RBMS3: variants seen among roughly 807,000 people sequenced by gnomAD.
RBMS3 encodes RNA binding motif single stranded interacting protein 3.
In RBMS3, 27 loss-of-function variants were observed where a neutral mutation model predicts 66.8. That is an observed-to-expected ratio of 0.40 (90% confidence interval 0.30 to 0.56). RBMS3 has a LOEUF of 0.56. Among genes scored for constraint, RBMS3 ranks in the 20% least tolerant of loss-of-function variants. RBMS3 has a pLI of 0.40. For missense variants in RBMS3, 513 were observed against 549.5 expected, an observed-to-expected ratio of 0.93 and a Z score of 0.66; for synonymous variants, 188 against 183.0, an observed-to-expected ratio of 1.03 and a Z score of -0.22.
chr3:29,282,724 C>T (rs985971107), intron 1 of RBMS3, among the ~76,000 whole-genome samples: 7 of 152,024 alleles, frequency 4.6e-5, no homozygotes, highest in South Asian at 2.1e-4. Context: ...CAGACTCCAC[C>T]GTCTCCTTAA....
At chr3:29,374,431 G>A (rs1180740103) in intron 1 of RBMS3, among the ~76,000 whole-genome samples, 1 of 152,182 alleles carries the variant, frequency 6.6e-6, no homozygotes, top group African/African-American at 2.4e-5. Context: ...CAGATAGTAT[G>A]TAACTTAGTG....
intron 7 of RBMS3, 117 bp from the exon 8 acceptor site, chr3:29,884,045 G>A (rs1337188240): frequency 2.2e-6 from 2 of 892,544 alleles, no homozygotes; most frequent in African/African-American, 1.7e-5. Flanking sequence ...ATACATAGGA[G>A]AAAATAAACT....
At position 29,713,636 on chromosome 3, in the gene RBMS3, C is replaced by T. The variant is rs72846100; in HGVS notation, c.400-26084C>T. 8.4e-3 allele frequency among the ~76,000 whole-genome samples: 1,280 copies of T among 152,246 alleles called. 22 individuals are homozygous for T. The highest frequency in any genetic ancestry group is 0.029 in the African/African-American group (1,218 of 41,536). On this transcript the variant is annotated intron_variant, in intron 4 of 14. Transcript: ENST00000383767. ...ACATTCTCTTCAAACATTCTAGCAA[C>T]AAATATGAGTAAGAAAATGTTTTAT... is the stretch of plus-strand genomic sequence containing the variant.
At chr3:29,418,934 C>T (rs775951917) in intron 1 of RBMS3, among the ~76,000 whole-genome samples, 1 of 152,100 alleles carries the variant, frequency 6.6e-6, no homozygotes. Context: ...TTATTGTCTT[C>T]GAGAACTCCA....
intron 3 of RBMS3, among the ~76,000 whole-genome samples, chr3:29,573,579 T>C (rs1005863699): frequency 1.3e-5 from 2 of 152,198 alleles, no homozygotes; most frequent in African/African-American, 4.8e-5. Context: ...ATTTCTACTC[T>C]GATCCTGATT....
intron 7 of RBMS3, among the ~76,000 whole-genome samples, chr3:29,877,196 A>G (rs1049745401): frequency 1.3e-5 from 2 of 152,192 alleles, no homozygotes; most frequent in Non-Finnish European, 2.9e-5. Context: ...TCACCAGGAA[A>G]TAAATAATAG....
At chr3:29,874,460 G>A (rs533545057) in intron 7 of RBMS3, among the ~76,000 whole-genome samples, 6 of 152,052 alleles carry the variant, frequency 3.9e-5, no homozygotes, top group South Asian at 2.1e-4. Flanking sequence ...TTGGCAATTC[G>A]TTGTCCAAAT....
chr3:29,800,277 C>G (rs2057348439), intron 6 of RBMS3, among the ~76,000 whole-genome samples: 1 of 150,442 alleles, frequency 6.6e-6, no homozygotes, highest in South Asian at 2.1e-4. Context: ...ATGGTTATGT[C>G]TTAAGTCAGG....
At chr3:29,678,186 T>C (rs930163477) in intron 4 of RBMS3, among the ~76,000 whole-genome samples, 4 of 152,180 alleles carry the variant, frequency 2.6e-5, no homozygotes, top group Non-Finnish European at 5.9e-5. Flanking sequence ...ACATGATTCA[T>C]TGAAACCTTG....
intron 3 of RBMS3, among the ~76,000 whole-genome samples, chr3:29,579,664 A>G (rs1288871125): frequency 6.6e-6 from 1 of 152,248 alleles, no homozygotes; most frequent in South Asian, 2.1e-4. Context: ...TGCTGTTTTG[A>G]TGGTAGAGAC....
chr3:29,609,005 C>T (rs2048402861), intron 4 of RBMS3, among the ~76,000 whole-genome samples: 1 of 151,918 alleles, frequency 6.6e-6, no homozygotes, highest in African/African-American at 2.4e-5. Flanking sequence ...GAGTGGAGTG[C>T]TTACTTCTCA....
chr3:29,316,570 A>G (rs146629162), intron 1 of RBMS3, among the ~76,000 whole-genome samples: 1 of 151,806 alleles, frequency 6.6e-6, no homozygotes, highest in Non-Finnish European at 1.5e-5. Context: ...GCTCTATGTA[A>G]CATGAAAGCA....
chr3:29,434,768 C>T lies in RBMS3; in HGVS notation c.101C>T (p.Pro34Leu). 1 of 1,614,048 alleles carries T rather than the reference C, an allele frequency of 6.2e-7. No homozygotes were observed. The highest frequency in any genetic ancestry group is 8.5e-7 in the Non-Finnish European group (1 of 1,179,972). Residue 34 changes from proline to leucine, a missense_variant, in exon 2 of 15, where the codon CCC becomes CTC. Physicochemically the swap from Pro to Leu is moderately conservative, Grantham distance 98. Transcript: ENST00000383767. The stretch of plus-strand genomic sequence containing the variant: ...CAGTCCTATGCACCAGCTCCCCACC[C>T]CATGGCTCCTCCCAGCCCCAGCACA... ...TKQSYAPAPHPMAPPSPSTNS... is the reference protein window; with the variant it reads ...TKQSYAPAPHLMAPPSPSTNS...
intron 6 of RBMS3, among the ~76,000 whole-genome samples, chr3:29,817,062 G>T (rs1379270779): frequency 6.6e-6 from 1 of 152,120 alleles, no homozygotes; most frequent in Non-Finnish European, 1.5e-5. Flanking sequence ...CTGCACTCCA[G>T]CCTGGATGAC....
intron 1 of RBMS3, among the ~76,000 whole-genome samples, chr3:29,387,380 A>C (rs1268984898): frequency 6.6e-6 from 1 of 152,220 alleles, no homozygotes; most frequent in Non-Finnish European, 1.5e-5. Context: ...TCACTGATTT[A>C]GCTAAAACTT....
intron 4 of RBMS3, among the ~76,000 whole-genome samples, chr3:29,643,870 A>G (rs374912829): frequency 1.3e-5 from 2 of 152,194 alleles, no homozygotes; most frequent in African/African-American, 4.8e-5. Context: ...AAACACACAC[A>G]CATTCAGGGA....
At chr3:29,803,619 A>G (rs2057455367) in intron 6 of RBMS3, among the ~76,000 whole-genome samples, 2 of 152,024 alleles carry the variant, frequency 1.3e-5, no homozygotes, top group Non-Finnish European at 2.9e-5. Context: ...CATTTTATAT[A>G]TGTGTAATAT....
At chr3:29,831,973 G>A (rs2058381593) in intron 6 of RBMS3, among the ~76,000 whole-genome samples, 1 of 152,084 alleles carries the variant, frequency 6.6e-6, no homozygotes, top group Admixed American at 6.6e-5. Flanking sequence ...CATAAGCTTA[G>A]TAGGGCTTAA....
In RBMS3 at chr3:30,009,604, C is replaced by A. The variant is rs1181097273; in HGVS notation, c.*5742C>A. On this transcript the variant is annotated 3_prime_UTR_variant, in exon 15 of 15. Coordinates refer to ENST00000383767, the MANE Select transcript of RBMS3 (RefSeq NM_001003793.3). ...GAACCAGTAGCACGGATCAACACGA[C>A]TTCTGCAATGAGAGTATAACGGTAG... The A allele has an allele frequency of 6.6e-6, 1 of 152,164 alleles. No individual in the cohort carries two copies. Among genetic ancestry groups the A allele is most frequent in the African/African-American group, 2.4e-5 (1 of 41,462 alleles). The allele number at this position is 152,164 out of a possible 1,614,324, so 9.4% of individuals were successfully genotyped here. A position where few individuals can be genotyped will look rare whatever the true frequency, so the allele number is the denominator to read the frequency against.
Sources: gnomAD v4.1 joint callset for allele counts (sites outside exome capture counted in the v4.1 genomes callset) on GRCh38, gnomAD v4.1.1 for gene constraint, MANE v1.5 for transcripts, NCBI Gene and HGNC (gene_info 2026-07-23, HGNC 2026-07-21) for gene names.